Variants in PTPRT observed in about 807,000 individuals in gnomAD.
The protein encoded by PTPRT is protein tyrosine phosphatase receptor type T.
PTPRT carries 56 observed loss-of-function variants against 176.8 expected under a neutral mutation model. The observed-to-expected ratio is 0.32, with a 90% CI of 0.26 to 0.40. The LOEUF is 0.40. PTPRT is among the 10% of genes least tolerant of loss of function. The pLI is 1.00. For synonymous variants in PTPRT, 783 were observed against 739.0 expected (o/e 1.06, Z -0.96); for missense variants, 1,540 against 1,908.2 (o/e 0.81, Z 3.60).
At chr20:43,119,590 G>T (rs575773017) in intron 1 of PTPRT, among the ~76,000 whole-genome samples, 2 of 152,296 alleles carry the variant, frequency 1.3e-5, no homozygotes, top group East Asian at 3.9e-4. Flanking sequence ...TTCAGACCCA[G>T]TTCCCAAGGA....
At chr20:42,297,009 T>G (rs988046922) in intron 12 of PTPRT, among the ~76,000 whole-genome samples, 13 of 151,752 alleles carry the variant, frequency 8.6e-5, no homozygotes, top group Non-Finnish European at 1.8e-4. Flanking sequence ...CAAAAAAAGG[T>G]GAACAAAATA....
intron 9 of PTPRT, among the ~76,000 whole-genome samples, chr20:42,406,846 A>G (rs980167878): frequency 3.9e-5 from 6 of 152,222 alleles, no homozygotes; most frequent in African/African-American, 1.4e-4. Context: ...AATGTATTAC[A>G]AACAGAAATT....
At chr20:42,118,090 C>A (rs1247361929) in intron 21 of PTPRT, among the ~76,000 whole-genome samples, 1 of 152,110 alleles carries the variant, frequency 6.6e-6, no homozygotes, top group Non-Finnish European at 1.5e-5. Flanking sequence ...AGGAGAAGAA[C>A]AAGAGGACAG....
Position 42,074,681 on chromosome 20 carries a change from T to G in PTPRT, c.*6198A>C, listed in dbSNP as rs1311535200. On this transcript the variant is annotated 3_prime_UTR_variant, in exon 31 of 31. Transcript: ENST00000373187. ...CTCTTAGATAGGTGGGATGCTAGGT[T>G]TGGAGGCTACCATTGTGAGTGTTGA... 2 of 398,148 alleles carry G rather than the reference T, an allele frequency of 5.0e-6. No individual in the cohort carries two copies. The highest frequency in any genetic ancestry group is 4.4e-5 in the Admixed American group (1 of 22,702). 24.7% of individuals were successfully genotyped at this position (398,148 alleles called of 1,614,324 possible).
intron 15 of PTPRT, among the ~76,000 whole-genome samples, chr20:42,223,665 A>G (rs903655636): frequency 1.3e-5 from 2 of 152,234 alleles, no homozygotes; most frequent in Non-Finnish European, 1.5e-5. Flanking sequence ...ATTTCATGGT[A>G]GCTCTGCTAT....
chr20:43,107,968 G>A (rs535850850), intron 1 of PTPRT, among the ~76,000 whole-genome samples: 2 of 152,218 alleles, frequency 1.3e-5, no homozygotes. Flanking sequence ...AATAACTGCA[G>A]GCAGGGAAAG....
intron 8 of PTPRT, among the ~76,000 whole-genome samples, chr20:42,454,294 A>G (rs1348004420): frequency 6.6e-6 from 1 of 152,184 alleles, no homozygotes. Flanking sequence ...AATATAATTT[A>G]TTGGAATACT....
intron 9 of PTPRT, among the ~76,000 whole-genome samples, chr20:42,366,817 G>A (rs1483824071): frequency 2.0e-5 from 3 of 152,222 alleles, no homozygotes; most frequent in Non-Finnish European, 2.9e-5. Context: ...TCCTAAGCTG[G>A]GGATTGCAGA....
chr20:42,418,574 G>A (rs1346830511), intron 9 of PTPRT, among the ~76,000 whole-genome samples: 2 of 152,208 alleles, frequency 1.3e-5, no homozygotes, highest in African/African-American at 2.4e-5. Flanking sequence ...TGGCTGATAT[G>A]TGAAAGACAA....
At chr20:43,033,513 C>T (rs1986233975) in intron 1 of PTPRT, among the ~76,000 whole-genome samples, 1 of 152,178 alleles carries the variant, frequency 6.6e-6, no homozygotes. Context: ...GACTCCCACC[C>T]ACTGTGCATC....
At chr20:42,870,552 C>T (rs750369474) in intron 2 of PTPRT, among the ~76,000 whole-genome samples, 21 of 152,202 alleles carry the variant, frequency 1.4e-4, no homozygotes, top group African/African-American at 3.6e-4. Flanking sequence ...CCGTCAATGA[C>T]GGACTGCACA....
chr20:43,006,359 G>T (rs910503552), intron 1 of PTPRT, among the ~76,000 whole-genome samples: 2 of 152,164 alleles, frequency 1.3e-5, no homozygotes, highest in Non-Finnish European at 1.5e-5. Flanking sequence ...AACATGTGAA[G>T]CATATGTTAA....
chr20:42,120,042 C>A, intron 19 of PTPRT, 71 bp from the exon 20 acceptor site: 1 of 1,368,574 alleles, frequency 7.3e-7, no homozygotes. Context: ...TATTAATAAA[C>A]ATCCTCTCCA....
At chr20:43,043,258 G>C (rs1377984973) in intron 1 of PTPRT, among the ~76,000 whole-genome samples, 1 of 152,138 alleles carries the variant, frequency 6.6e-6, no homozygotes, top group Non-Finnish European at 1.5e-5. Flanking sequence ...CCTCAGGGAG[G>C]CATTGGGAAC....
chr20:42,834,322 G>A (rs2078143883), intron 2 of PTPRT, among the ~76,000 whole-genome samples: 1 of 152,084 alleles, frequency 6.6e-6, no homozygotes, highest in African/African-American at 2.4e-5. Context: ...CATTTTGTTA[G>A]GGGAGCTAAA....
chr20:42,891,703 C>T (rs1302250364), intron 1 of PTPRT, among the ~76,000 whole-genome samples: 4 of 152,072 alleles, frequency 2.6e-5, no homozygotes, highest in East Asian at 1.9e-4. Flanking sequence ...TAGATATGAT[C>T]CTGTGTATTC....
chr20:42,882,154 T>C (rs1309308885), intron 2 of PTPRT, among the ~76,000 whole-genome samples: 2 of 152,222 alleles, frequency 1.3e-5, no homozygotes, highest in African/African-American at 4.8e-5. Flanking sequence ...TGAGGAGAAC[T>C]GCTGGCTTTA....
chr20:42,197,062 G>A (rs1991248786), intron 16 of PTPRT, among the ~76,000 whole-genome samples: 1 of 152,138 alleles, frequency 6.6e-6, no homozygotes, highest in Admixed American at 6.5e-5. Context: ...GGAACACTCT[G>A]CAGGACGACA....
At chr20:42,307,049 C>G (rs2057554016) in intron 12 of PTPRT, among the ~76,000 whole-genome samples, 1 of 152,148 alleles carries the variant, frequency 6.6e-6, no homozygotes, top group African/African-American at 2.4e-5. Context: ...AGGAGCAAGT[C>G]TGGGTATTAT....
Sources: gnomAD v4.1 joint callset for allele counts (sites outside exome capture counted in the v4.1 genomes callset) on GRCh38, gnomAD v4.1.1 for gene constraint, MANE v1.5 for transcripts, NCBI Gene and HGNC (gene_info 2026-07-23, HGNC 2026-07-21) for gene names.